The following STAM variants were observed in gnomAD, a reference collection of about 807,000 sequenced individuals.
STAM encodes the protein signal transducing adapter molecule 1.
A neutral mutation model predicts 63.4 loss-of-function variants in STAM; 16 were observed. The observed-to-expected ratio is 0.25, with a 90% confidence interval of 0.17 to 0.38. STAM has a LOEUF of 0.38. STAM is among the 10% of genes least tolerant of loss of function. The pLI, the probability that STAM is intolerant of heterozygous loss-of-function variation, is 1.00. For synonymous variants in STAM, 238 were observed against 223.9 expected (o/e 1.06, Z -0.56); for missense variants, 636 against 657.1 (o/e 0.97, Z 0.35).
At position 17,708,971 on chromosome 10, in the gene STAM, T is replaced by C. The variant is rs1836431371; in HGVS notation, c.1385+20T>C. 6.2e-7 allele frequency: 1 copy of C among 1,609,812 alleles called. No homozygotes were observed. Among genetic ancestry groups the C allele is most frequent in the Non-Finnish European group, 8.5e-7 (1 of 1,177,422 alleles). Reference sequence around the variant, plus strand: ...CCCAAAGTAATTTTACTGTTGATTCTTGTTTGGAGTTAGTGCTGTTACAGC... The same window carrying C: ...CCCAAAGTAATTTTACTGTTGATTCCTGTTTGGAGTTAGTGCTGTTACAGC... On this transcript the variant is annotated intron_variant, in intron 13 of 13. Coordinates refer to ENST00000377524, the MANE Select transcript of STAM (RefSeq NM_003473.4).
chr10:17,667,660 C>G (rs1429927025), intron 2 of STAM, among the ~76,000 whole-genome samples: 1 of 152,192 alleles, frequency 6.6e-6, no homozygotes, highest in Non-Finnish European at 1.5e-5. Flanking sequence ...TAAACAGATA[C>G]TAACAGATGA....
intron 8 of STAM, among the ~76,000 whole-genome samples, chr10:17,698,722 G>A (rs1482953122): frequency 6.6e-6 from 1 of 151,926 alleles, no homozygotes; most frequent in East Asian, 1.9e-4. Context: ...GTTATATATT[G>A]TATATAAATA....
intron 2 of STAM, 40 bp from the exon 3 acceptor site, chr10:17,684,634 GA>G (rs1554825856): frequency 6.5e-7 from 1 of 1,539,184 alleles, no homozygotes; most frequent in Non-Finnish European, 8.9e-7. Flanking sequence ...GGGGAAGCTA[GA>G]TGTATTATTA....
intron 2 of STAM, among the ~76,000 whole-genome samples, chr10:17,668,773 G>C (rs61842295): frequency 6.6e-6 from 1 of 152,116 alleles, no homozygotes; most frequent in Non-Finnish European, 1.5e-5. Context: ...AGGTTCCTAC[G>C]TGCCTTTTCG....
intron 13 of STAM, 135 bp downstream of exon 13, chr10:17,709,086 T>G (rs530716555): frequency 9.7e-7 from 1 of 1,032,614 alleles, no homozygotes; most frequent in Non-Finnish European, 1.4e-6. Context: ...TTTGTGCTAA[T>G]GAGTGGTGGA....
chr10:17,699,016 T>C (rs187404607), intron 8 of STAM, among the ~76,000 whole-genome samples: 79 of 152,362 alleles, frequency 5.2e-4, no homozygotes, highest in Non-Finnish European at 4.4e-4. Flanking sequence ...AATTAAGCTA[T>C]TTCTGTGTTA....
chr10:17,676,034 TAA>T, intron 2 of STAM, among the ~76,000 whole-genome samples: 1 of 149,862 alleles, frequency 6.7e-6, no homozygotes, highest in South Asian at 2.1e-4. Context: ...TAGAATTCAT[TAA>T]AAAAAAAATC....
intron 2 of STAM, among the ~76,000 whole-genome samples, chr10:17,681,457 A>G (rs1481074865): frequency 2.0e-5 from 3 of 151,594 alleles, no homozygotes; most frequent in African/African-American, 7.3e-5. Flanking sequence ...ATGATTTTTT[A>G]TCTTTTTAAA....
At chr10:17,684,046 G>T (rs1478329786) in intron 2 of STAM, among the ~76,000 whole-genome samples, 1 of 152,174 alleles carries the variant, frequency 6.6e-6, no homozygotes, top group Non-Finnish European at 1.5e-5. Flanking sequence ...TTCAATAGAT[G>T]CTTCACTGTG....
rs116654943 is a variant in STAM, at chr10:17,702,454, C to T, written c.913-1977C>T. Among the ~76,000 whole-genome samples the T allele has an allele frequency of 6.6e-3, 1,003 of 152,214 alleles. 12 individuals are homozygous for T. The highest frequency in any genetic ancestry group is 0.023 in the African/African-American group (962 of 41,526). On this transcript the variant is annotated intron_variant, in intron 9 of 13. Coordinates refer to ENST00000377524, the MANE Select transcript of STAM (RefSeq NM_003473.4). ...TGCTGTGGTGTTTAAATTCCTTTGG[C>T]TATATTTAAAGGAATTTTTGACTAT...
At chr10:17,688,665 G>A (rs1420722224) in intron 5 of STAM, among the ~76,000 whole-genome samples, 1 of 151,408 alleles carries the variant, frequency 6.6e-6, no homozygotes, top group East Asian at 1.9e-4. Flanking sequence ...GTTTCACCAT[G>A]TTGGCCAGGC....
chr10:17,710,778 A>G (rs1262425201), intron 13 of STAM, among the ~76,000 whole-genome samples: 1 of 152,194 alleles, frequency 6.6e-6, no homozygotes, highest in East Asian at 1.9e-4. Context: ...TATTTTATGA[A>G]TACATGTTTT....
chr10:17,680,595 C>G (rs1835046395), intron 2 of STAM, among the ~76,000 whole-genome samples: 3 of 152,088 alleles, frequency 2.0e-5, no homozygotes, highest in South Asian at 4.2e-4. Flanking sequence ...CTTGTAGAGA[C>G]AGGGTCCCAC....
At chr10:17,695,609 T>TA (rs1264675840) in intron 7 of STAM, 2 of 163,568 alleles carry the variant, frequency 1.2e-5, no homozygotes, top group African/African-American at 4.8e-5. Flanking sequence ...GAGTTTTTTT[T>TA]ACACAGAACA....
At chr10:17,662,796 T>C (rs2131586575) in intron 2 of STAM, among the ~76,000 whole-genome samples, 1 of 152,326 alleles carries the variant, frequency 6.6e-6, no homozygotes, top group Non-Finnish European at 1.5e-5. Flanking sequence ...TATCAAGTGT[T>C]TATAACAGTA....
chr10:17,690,121 G>A lies in STAM; in HGVS notation c.444+1948G>A, dbSNP rs189276404. ...GGAAACTGAGACTCAGAATGGTTAA[G>A]TGACTTGCCCAGGGACACAGCTCAT... On this transcript the variant is annotated intron_variant, in intron 5 of 13. Transcript: ENST00000377524. 2.0e-5 allele frequency among the ~76,000 whole-genome samples: 3 copies of A among 152,336 alleles called. No homozygotes were observed. In the East Asian group the frequency reaches 5.8e-4, roughly 29 times the overall value.
At chr10:17,711,363 G>A (rs1836546793) in intron 13 of STAM, among the ~76,000 whole-genome samples, 4 of 152,174 alleles carry the variant, frequency 2.6e-5, no homozygotes, top group Admixed American at 2.6e-4. Context: ...TGAAGCTTAT[G>A]TATTTATTTG....
intron 6 of STAM, 168 bp from the exon 7 acceptor site, chr10:17,694,881 G>C (rs925980093): frequency 3.2e-5 from 17 of 538,688 alleles, no homozygotes; most frequent in Non-Finnish European, 1.2e-5. Flanking sequence ...AGTTGTGAAT[G>C]AATGAATAAA....
intron 8 of STAM, among the ~76,000 whole-genome samples, chr10:17,697,344 G>A (rs1554827721): frequency 6.6e-6 from 1 of 152,212 alleles, no homozygotes; most frequent in Admixed American, 6.5e-5. Context: ...ATTACAGTGT[G>A]ACAAGTACAG....
Sources: allele counts gnomAD v4.1 joint callset (sites outside exome capture counted in the v4.1 genomes callset), GRCh38; gene constraint gnomAD v4.1.1; transcripts MANE v1.5; gene names NCBI Gene and HGNC (gene_info 2026-07-23, HGNC 2026-07-21).